EPHA6: variants seen among roughly 807,000 people sequenced by gnomAD.
EPHA6 encodes the protein EPH receptor A6, also known as ephrin type-A receptor 6.
Under a neutral mutation model 112.0 loss-of-function variants are expected in EPHA6, and 50 were observed. The observed-to-expected ratio is 0.45, with a 90% CI of 0.36 to 0.56. The LOEUF is 0.56. Among genes scored for constraint, EPHA6 ranks in the 20% least tolerant of loss-of-function variants. EPHA6 has a pLI of 0.00. For missense variants in EPHA6, 1,280 were observed against 1,417.4 expected, an observed-to-expected ratio of 0.90 and a Z score of 1.56; for synonymous variants, 529 against 490.7, an observed-to-expected ratio of 1.08 and a Z score of -1.03.
intron 12 of EPHA6, among the ~76,000 whole-genome samples, chr3:97,594,709 A>T (rs1255958583): frequency 6.6e-6 from 1 of 152,100 alleles, no homozygotes; most frequent in East Asian, 1.9e-4. Context: ...TTATTATTTT[A>T]TATTTTTTAA....
intron 6 of EPHA6, among the ~76,000 whole-genome samples, chr3:97,414,352 C>T (rs962932666): frequency 3.9e-5 from 6 of 152,038 alleles, no homozygotes; most frequent in Non-Finnish European, 7.4e-5. Flanking sequence ...AATTGTTAAT[C>T]AGTACACCTC....
chr3:97,695,760 C>T (rs1308595313), intron 14 of EPHA6, among the ~76,000 whole-genome samples: 7 of 152,112 alleles, frequency 4.6e-5, no homozygotes, highest in South Asian at 4.2e-4. Flanking sequence ...AGGATAGTCT[C>T]GATCTCTTGA....
intron 1 of EPHA6, among the ~76,000 whole-genome samples, chr3:96,842,849 A>G (rs919567460): frequency 2.0e-5 from 3 of 152,044 alleles, no homozygotes; most frequent in African/African-American, 4.8e-5. Flanking sequence ...CACCTTGGAT[A>G]GAAGGTATTT....
intron 10 of EPHA6, among the ~76,000 whole-genome samples, chr3:97,499,100 A>C (rs2092054655): frequency 6.6e-6 from 1 of 152,198 alleles, no homozygotes; most frequent in Non-Finnish European, 1.5e-5. Flanking sequence ...ACAAACTAGA[A>C]GGGCATATAA....
At chr3:97,523,520 T>C (rs1392935123) in intron 10 of EPHA6, among the ~76,000 whole-genome samples, 4 of 152,096 alleles carry the variant, frequency 2.6e-5, no homozygotes, top group Non-Finnish European at 5.9e-5. Context: ...AAATGTTCTG[T>C]ATATACCTGT....
At chr3:97,735,130 A>T (rs1027758330) in intron 15 of EPHA6, among the ~76,000 whole-genome samples, 3 of 151,990 alleles carry the variant, frequency 2.0e-5, no homozygotes, top group Non-Finnish European at 4.4e-5. Flanking sequence ...AAAGTAACTG[A>T]AGTTGAAAAT....
intron 5 of EPHA6, among the ~76,000 whole-genome samples, chr3:97,252,200 C>G (rs1196161495): frequency 1.3e-5 from 2 of 152,020 alleles, no homozygotes; most frequent in African/African-American, 2.4e-5. Flanking sequence ...GGTGCCTGTC[C>G]AGAGAGCACT....
chr3:96,965,939 C>T (rs1239118276), intron 2 of EPHA6, among the ~76,000 whole-genome samples: 3 of 152,002 alleles, frequency 2.0e-5, no homozygotes, highest in Non-Finnish European at 4.4e-5. Context: ...TTGATACTTA[C>T]TTCTCATGTA....
At chr3:97,311,282 A>G (rs1035216909) in intron 5 of EPHA6, among the ~76,000 whole-genome samples, 14 of 151,730 alleles carry the variant, frequency 9.2e-5, no homozygotes, top group African/African-American at 3.1e-4. Context: ...TTTCAAATAC[A>G]TCTTTGAAGT....
At chr3:97,552,929 A>T (rs922121425) in intron 11 of EPHA6, among the ~76,000 whole-genome samples, 4 of 152,162 alleles carry the variant, frequency 2.6e-5, no homozygotes, top group African/African-American at 9.6e-5. Flanking sequence ...CAGATTAGAT[A>T]CAATTACATG....
chr3:97,301,598 C>A (rs2081092971), intron 5 of EPHA6, among the ~76,000 whole-genome samples: 1 of 152,062 alleles, frequency 6.6e-6, no homozygotes, highest in Non-Finnish European at 1.5e-5. Context: ...CAAACCCAGG[C>A]CATCAGGCTC....
At chr3:97,508,620 G>T (rs1380192118) in intron 10 of EPHA6, among the ~76,000 whole-genome samples, 2 of 152,124 alleles carry the variant, frequency 1.3e-5, no homozygotes, top group Non-Finnish European at 2.9e-5. Flanking sequence ...GTGCTGAGAA[G>T]AATGTATATT....
At chr3:97,160,052 C>T (rs751871510) in intron 3 of EPHA6, among the ~76,000 whole-genome samples, 6 of 152,068 alleles carry the variant, frequency 3.9e-5, no homozygotes, top group Admixed American at 2.0e-4. Context: ...GTGACGATAG[C>T]CAAGTATGCT....
At chr3:97,026,210 C>A (rs2044632754) in intron 3 of EPHA6, among the ~76,000 whole-genome samples, 1 of 150,616 alleles carries the variant, frequency 6.6e-6, no homozygotes, top group Non-Finnish European at 1.5e-5. Context: ...AGTGTGATGC[C>A]TCCAGCTTTG....
At chr3:97,693,361 C>T (rs2032798799) in intron 14 of EPHA6, among the ~76,000 whole-genome samples, 1 of 152,022 alleles carries the variant, frequency 6.6e-6, no homozygotes, top group African/African-American at 2.4e-5. Flanking sequence ...TAATCAGAAG[C>T]CTGAAATAAA....
chr3:97,211,367 A>G (rs1417788668), intron 3 of EPHA6, among the ~76,000 whole-genome samples: 2 of 152,154 alleles, frequency 1.3e-5, no homozygotes, highest in African/African-American at 4.8e-5. Context: ...CCCTGAGTTA[A>G]GTTCTATCTT....
rs541379035 is a variant in EPHA6, at chr3:96,938,101, G to T, written c.451-49229G>T. Among the ~76,000 whole-genome samples the T allele has an allele frequency of 2.9e-3, 444 of 151,170 alleles. 4 individuals carry two copies. The highest frequency in any genetic ancestry group is 9.7e-3 in the African/African-American group (402 of 41,364). On this transcript the variant is annotated intron_variant, in intron 2 of 17. Coordinates refer to ENST00000389672, the MANE Select transcript of EPHA6 (RefSeq NM_001080448.3). ...GACTTGGTGATGCGGGCTCTTTTTT[G>T]GTTCCATATGAACTTTAAAGTAGTT... is the stretch of plus-strand genomic sequence containing the variant.
chr3:97,010,831 A>G (rs533817425), intron 3 of EPHA6, among the ~76,000 whole-genome samples: 9 of 152,200 alleles, frequency 5.9e-5, no homozygotes, highest in Admixed American at 5.2e-4. Flanking sequence ...TTATTTATCA[A>G]AGCATCTATG....
intron 15 of EPHA6, among the ~76,000 whole-genome samples, chr3:97,720,927 C>T (rs924599501): frequency 3.3e-5 from 5 of 152,086 alleles, no homozygotes; most frequent in African/African-American, 1.2e-4. Flanking sequence ...TATAAAACTA[C>T]CTTGGTGGTT....
Sources: gnomAD v4.1 joint callset for allele counts (sites outside exome capture counted in the v4.1 genomes callset) on GRCh38, gnomAD v4.1.1 for gene constraint, MANE v1.5 for transcripts, NCBI Gene and HGNC (gene_info 2026-07-23, HGNC 2026-07-21) for gene names.